MRPS27: variants seen among roughly 807,000 people sequenced by gnomAD.
MRPS27 encodes the protein mitochondrial ribosomal protein S27, also known as small ribosomal subunit protein mS27.
MRPS27 carries 43 observed loss-of-function variants against 48.9 expected under a neutral mutation model. The observed-to-expected ratio is 0.88, with a 90% CI of 0.69 to 1.13. The LOEUF (loss-of-function observed/expected upper bound fraction) is 1.13, where lower values mean the gene tolerates loss of function less well. Ranked by LOEUF, MRPS27 falls within the 50% of genes most tolerant of loss-of-function variation. The pLI is 0.00. For synonymous variants in MRPS27, 188 were observed against 171.9 expected, an observed-to-expected ratio of 1.09 and a Z score of -0.73; for missense variants, 467 against 476.3, an observed-to-expected ratio of 0.98 and a Z score of 0.18.
At chr5:72,238,336 A>C (rs1748259263) in intron 4 of MRPS27, among the ~76,000 whole-genome samples, 1 of 152,004 alleles carries the variant, frequency 6.6e-6, no homozygotes, top group Admixed American at 6.5e-5. Context: ...AAATAACAAA[A>C]AATTTTACAA....
chr5:72,284,237 A>AC (rs1448216384), intron 4 of MRPS27, among the ~76,000 whole-genome samples: 14 of 145,288 alleles, frequency 9.6e-5, no homozygotes, highest in Non-Finnish European at 2.0e-4. Flanking sequence ...ACATTGTGAG[A>AC]CCCCATCTCT....
chr5:72,308,494 G>A (rs1459514346), intron 2 of MRPS27, among the ~76,000 whole-genome samples: 3 of 152,156 alleles, frequency 2.0e-5, no homozygotes, highest in African/African-American at 4.8e-5. Flanking sequence ...TCCACATGCT[G>A]GGCGCGGCCC....
At chr5:72,311,335 GGAGA>G (rs1750436445) in intron 2 of MRPS27, among the ~76,000 whole-genome samples, 1 of 152,166 alleles carries the variant, frequency 6.6e-6, no homozygotes, top group African/African-American at 2.4e-5. Flanking sequence ...GGGGGAAGGA[GGAGA>G]GAGAAAGCAA....
At chr5:72,297,821 T>C in intron 2 of MRPS27, 119 bp from the exon 3 acceptor site, 1 of 459,494 alleles carries the variant, frequency 2.2e-6, no homozygotes, top group East Asian at 3.6e-5. Flanking sequence ...TTTTTAGAAA[T>C]TATTTTTATA....
At chr5:72,260,842 TTAAC>T (rs1193688789) in intron 4 of MRPS27, among the ~76,000 whole-genome samples, 1 of 152,198 alleles carries the variant, frequency 6.6e-6, no homozygotes. Flanking sequence ...TCTACAGTAA[TTAAC>T]TAAATCATTT....
At chr5:72,294,826 G>C (rs1347701887) in intron 4 of MRPS27, 3 of 151,868 alleles carry the variant, frequency 2.0e-5, no homozygotes, top group Admixed American at 2.0e-4. Context: ...TATACATACA[G>C]ATTGAGTATC....
chr5:72,281,273 C>A (rs1173258447), intron 4 of MRPS27, among the ~76,000 whole-genome samples: 3 of 152,110 alleles, frequency 2.0e-5, no homozygotes, highest in Non-Finnish European at 4.4e-5. Context: ...ATAACGTTAT[C>A]AATTTCTTGG....
intron 4 of MRPS27, among the ~76,000 whole-genome samples, chr5:72,278,654 G>A (rs1749449645): frequency 6.6e-6 from 1 of 151,964 alleles, no homozygotes; most frequent in African/African-American, 2.4e-5. Flanking sequence ...TTTATAACAT[G>A]TATCCATGTA....
chr5:72,239,170 T>C (rs1263134934), intron 4 of MRPS27, among the ~76,000 whole-genome samples: 2 of 152,126 alleles, frequency 1.3e-5, no homozygotes, highest in Non-Finnish European at 2.9e-5. Flanking sequence ...AAGGATTCCA[T>C]GCTATATTTG....
At position 72,313,989 on chromosome 5, in the gene MRPS27, G is replaced by A. The variant is rs73124050; in HGVS notation, c.151+92C>T. ...TTATCTGAATTGAAACATCATAAAAGCATAATTTCATATATACGTTATATG... is the reference window on the plus strand; with the variant it reads ...TTATCTGAATTGAAACATCATAAAAACATAATTTCATATATACGTTATATG... On this transcript the variant is annotated intron_variant, in intron 2 of 10. Transcript: ENST00000261413. The A allele has an allele frequency of 2.8e-3, 2,659 of 945,142 alleles. 47 individuals are homozygous for A. The African/African-American group carries it at 0.039, about 14-fold the overall frequency. The allele number at this position is 945,142 out of a possible 1,614,324, so 58.5% of individuals were successfully genotyped here. A position where few individuals can be genotyped will look rare whatever the true frequency, so the allele number is the denominator to read the frequency against.
chr5:72,258,147 G>C (rs554701205), intron 4 of MRPS27, among the ~76,000 whole-genome samples: 1 of 150,098 alleles, frequency 6.7e-6, no homozygotes, highest in African/African-American at 2.5e-5. Flanking sequence ...CGAGGCACCA[G>C]AGCATCTATA....
intron 4 of MRPS27, among the ~76,000 whole-genome samples, chr5:72,254,389 G>A (rs1037756440): frequency 1.3e-5 from 2 of 152,086 alleles, no homozygotes; most frequent in Admixed American, 6.5e-5. Context: ...ATATTAATAT[G>A]TATAGAAGGG....
intron 9 of MRPS27, among the ~76,000 whole-genome samples, chr5:72,224,480 T>C (rs957683221): frequency 6.6e-6 from 1 of 152,218 alleles, no homozygotes; most frequent in Admixed American, 6.5e-5. Context: ...TTATGCTTGA[T>C]GGGCACTAAA....
At chr5:72,315,948 A>G (rs184486020) in intron 1 of MRPS27, among the ~76,000 whole-genome samples, 4 of 152,390 alleles carry the variant, frequency 2.6e-5, no homozygotes, top group Admixed American at 1.3e-4. Context: ...AGTATTATTC[A>G]TAACGGACAA....
intron 4 of MRPS27, among the ~76,000 whole-genome samples, chr5:72,249,776 C>T (rs7717885): frequency 0.056 from 8,504 of 151,624 alleles, 768 homozygotes; most frequent in African/African-American, 0.19. Context: ...GGTCAGGAGA[C>T]AGAGACCATC....
intron 2 of MRPS27, among the ~76,000 whole-genome samples, chr5:72,300,320 A>G (rs1750093309): frequency 6.6e-6 from 1 of 152,152 alleles, no homozygotes; most frequent in Admixed American, 6.5e-5. Flanking sequence ...GGACTCTAGT[A>G]GACTGCAGAC....
intron 4 of MRPS27, among the ~76,000 whole-genome samples, chr5:72,278,744 CTCAT>C (rs938280592): frequency 1.2e-4 from 18 of 151,564 alleles, no homozygotes; most frequent in African/African-American, 3.9e-4. Context: ...CTTTTTTTTA[CTCAT>C]TATGTTTTGA....
At position 72,232,357 on chromosome 5, in the gene MRPS27, G is replaced by C. The variant is rs1748085453; in HGVS notation, c.591+86C>G. On this transcript the variant is annotated intron_variant, in intron 7 of 10. Transcript: ENST00000261413. Reference sequence around the variant, plus strand: ...CCTGGTTGTGCCTGGCCACAGAGCTGCAGACACCTTTTTCCAGCTTTTGAG... The same window carrying C: ...CCTGGTTGTGCCTGGCCACAGAGCTCCAGACACCTTTTTCCAGCTTTTGAG... The C allele has an allele frequency of 3.3e-6, 3 of 911,566 alleles. No homozygotes were observed. The South Asian group carries it at 5.0e-5, about 15-fold the overall frequency. 56.5% of individuals were successfully genotyped at this position (911,566 alleles called of 1,614,324 possible).
intron 4 of MRPS27, among the ~76,000 whole-genome samples, chr5:72,261,752 A>G (rs1257438328): frequency 1.3e-5 from 2 of 152,242 alleles, no homozygotes; most frequent in Non-Finnish European, 2.9e-5. Context: ...AAGGGAAGTC[A>G]TCATTATCCA....
Sources: gnomAD v4.1 joint callset for allele counts (sites outside exome capture counted in the v4.1 genomes callset) on GRCh38, gnomAD v4.1.1 for gene constraint, MANE v1.5 for transcripts, NCBI Gene and HGNC (gene_info 2026-07-23, HGNC 2026-07-21) for gene names.